Variants in KRCC1 observed in about 807,000 individuals in gnomAD.
The protein encoded by KRCC1 is lysine-rich coiled-coil protein 1.
A neutral mutation model predicts 7.4 loss-of-function variants in KRCC1; 3 were observed. The ratio of observed to expected loss-of-function variants is 0.40; its 90% CI spans 0.18 to 1.04. The LOEUF (loss-of-function observed/expected upper bound fraction) is 1.04, where lower values mean the gene tolerates loss of function less well. Among genes scored for constraint, KRCC1 ranks in the 50% least tolerant of loss-of-function variants. The pLI, the probability that KRCC1 is intolerant of heterozygous loss-of-function variation, is 0.33. For missense variants in KRCC1, 277 were observed against 300.9 expected, an observed-to-expected ratio of 0.92 and a Z score of 0.59; for synonymous variants, 102 against 101.6, an observed-to-expected ratio of 1.00 and a Z score of -0.02.
chr2:88,041,109 T>C (rs1673201376), intron 1 of KRCC1, among the ~76,000 whole-genome samples: 1 of 152,170 alleles, frequency 6.6e-6, no homozygotes, highest in Admixed American at 6.5e-5. Flanking sequence ...GTTAGGTAGC[T>C]GTTGCAGGCA....
chr2:88,037,460 C>A (rs972033519), intron 1 of KRCC1, among the ~76,000 whole-genome samples: 3 of 152,134 alleles, frequency 2.0e-5, no homozygotes, highest in African/African-American at 7.2e-5. Context: ...CACAAACCAT[C>A]TTTATTTTTT....
At chr2:88,051,816 T>G (rs372258659) in intron 1 of KRCC1, among the ~76,000 whole-genome samples, 6 of 152,348 alleles carry the variant, frequency 3.9e-5, no homozygotes, top group Admixed American at 2.0e-4. Context: ...ATGGAAAGAA[T>G]ACCAACACAG....
In KRCC1 at chr2:88,028,511, T is replaced by A; in HGVS notation, c.53A>T (p.Tyr18Phe). The A allele has an allele frequency of 1.2e-6, 2 of 1,613,250 alleles. No individual in the cohort carries two copies. Among genetic ancestry groups the A allele is most frequent in the Non-Finnish European group, 1.7e-6 (2 of 1,179,502 alleles). Reference protein sequence around the residue: ...YDSFQDELEDYIKVQKARGLE... With the variant: ...YDSFQDELEDFIKVQKARGLE... ...GCCTCTGGCTTTCTGTACTTTAATA[T>A]AATCTTCAAGTTCATCTTGAAAAGA... The change falls in exon 4 of 4, where the codon TAT becomes TTT. Residue 18 changes from tyrosine to phenylalanine, a missense_variant. Physicochemically the swap from Tyr to Phe is conservative, Grantham distance 22. Transcript: ENST00000347055.
rs139749676 is a variant in KRCC1 at position 88,049,871 on chromosome 2, A to G, written c.-291+5755T>C. ...TCCAGGCTGCCAACTTCAGATCTAC[A>G]TTAACATAATGTGCTCTGGTGTGCC... On this transcript the variant is annotated intron_variant, in intron 1 of 3. Coordinates refer to ENST00000347055, the MANE Select transcript of KRCC1 (RefSeq NM_016618.3). Among the ~76,000 whole-genome samples the G allele has an allele frequency of 2.0e-5, 3 of 152,364 alleles. No homozygotes were observed. In the East Asian group the frequency reaches 5.8e-4, roughly 29 times the overall value.
chr2:88,029,787 A>G (rs553664446), intron 3 of KRCC1, among the ~76,000 whole-genome samples: 27 of 150,026 alleles, frequency 1.8e-4, no homozygotes, highest in African/African-American at 4.9e-4. Flanking sequence ...AAATACAAAT[A>G]TAGCAGAAAA....
At chr2:88,031,195 C>G (rs1055282110) in intron 3 of KRCC1, among the ~76,000 whole-genome samples, 4 of 152,060 alleles carry the variant, frequency 2.6e-5, no homozygotes, top group African/African-American at 9.7e-5. Flanking sequence ...ATGCATGTTA[C>G]TGCCCCTGAA....
At chr2:88,047,068 A>C (rs1673352594) in intron 1 of KRCC1, among the ~76,000 whole-genome samples, 1 of 152,182 alleles carries the variant, frequency 6.6e-6, no homozygotes, top group African/African-American at 2.4e-5. Flanking sequence ...GAAACACATG[A>C]CTCATAATTC....
intron 1 of KRCC1, among the ~76,000 whole-genome samples, chr2:88,037,878 T>C (rs909698503): frequency 1.3e-4 from 20 of 152,242 alleles, no homozygotes; most frequent in Non-Finnish European, 1.9e-4. Context: ...ATGAATTATC[T>C]ATGCCAAAAT....
intron 1 of KRCC1, among the ~76,000 whole-genome samples, chr2:88,051,456 C>T (rs1673485772): frequency 6.6e-6 from 1 of 152,186 alleles, no homozygotes; most frequent in Non-Finnish European, 1.5e-5. Context: ...AAAATTCTAG[C>T]TAAGTGCAAG....
At chr2:88,041,905 T>A (rs920932666) in intron 1 of KRCC1, among the ~76,000 whole-genome samples, 6 of 152,248 alleles carry the variant, frequency 3.9e-5, no homozygotes, top group Middle Eastern at 3.4e-3. Flanking sequence ...TATTATTGGT[T>A]TCTAATGACC....
At chr2:88,042,748 A>T (rs916250694) in intron 1 of KRCC1, among the ~76,000 whole-genome samples, 2 of 152,038 alleles carry the variant, frequency 1.3e-5, no homozygotes, top group Non-Finnish European at 2.9e-5. Context: ...AAATGATCTT[A>T]ATCTTGGTAT....
intron 1 of KRCC1, among the ~76,000 whole-genome samples, chr2:88,054,984 A>G (rs978329427): frequency 3.6e-4 from 55 of 152,294 alleles, no homozygotes; most frequent in African/African-American, 1.1e-3. Context: ...GAGGATTAAA[A>G]GCACACACAC....
intron 1 of KRCC1, among the ~76,000 whole-genome samples, chr2:88,045,671 C>A (rs902615227): frequency 6.6e-6 from 1 of 151,868 alleles, no homozygotes; most frequent in Non-Finnish European, 1.5e-5. Flanking sequence ...ACACCTATCA[C>A]AAATTCATTG....
intron 1 of KRCC1, among the ~76,000 whole-genome samples, chr2:88,050,466 C>T (rs1023974670): frequency 6.6e-6 from 1 of 152,054 alleles, no homozygotes; most frequent in Non-Finnish European, 1.5e-5. Flanking sequence ...ACTAATAAAA[C>T]ACAAAAATTA....
Position 88,028,269 on chromosome 2 carries a change from C to G in KRCC1, c.295G>C (p.Asp99His). ...LPAHDSRLRL[D>H]SLSYCQFTRD... Reference sequence around the variant, plus strand: ...GTGAACTGACAGTAGCTCAGAGAGTCTAGTCTCAATCTGCTGTCATGGGCT... The same window carrying G: ...GTGAACTGACAGTAGCTCAGAGAGTGTAGTCTCAATCTGCTGTCATGGGCT... The change falls in exon 4 of 4, where the codon GAC (aspartate) becomes CAC (histidine). Residue 99 changes from aspartate to histidine, a missense_variant. By Grantham distance (81) the Asp-to-His change is moderately conservative. Coordinates refer to ENST00000347055, the MANE Select transcript of KRCC1 (RefSeq NM_016618.3). 6.2e-7 allele frequency: 1 copy of G among 1,614,186 alleles called. No homozygotes were observed. The highest frequency in any genetic ancestry group is 1.6e-4 in the Middle Eastern group (1 of 6,062).
chr2:88,039,895 T>C (rs1233927491), intron 1 of KRCC1, among the ~76,000 whole-genome samples: 3 of 151,942 alleles, frequency 2.0e-5, no homozygotes, highest in African/African-American at 4.8e-5. Context: ...TTTGGCGTAG[T>C]GCTTCGTGCC....
chr2:88,038,133 T>C (rs1374504800), intron 1 of KRCC1, among the ~76,000 whole-genome samples: 1 of 152,186 alleles, frequency 6.6e-6, no homozygotes, highest in Non-Finnish European at 1.5e-5. Context: ...TAAAATCCAA[T>C]TTTAGTATAA....
At chr2:88,031,092 CCTT>C (rs1446776377) in intron 3 of KRCC1, among the ~76,000 whole-genome samples, 14 of 151,712 alleles carry the variant, frequency 9.2e-5, no homozygotes, top group Admixed American at 7.9e-4. Flanking sequence ...TATTCTTTCT[CCTT>C]ATTAAAAAAA....
At chr2:88,047,028 A>C (rs899425544) in intron 1 of KRCC1, among the ~76,000 whole-genome samples, 1 of 152,180 alleles carries the variant, frequency 6.6e-6, no homozygotes, top group South Asian at 2.1e-4. Context: ...AAAGTAACAA[A>C]AACTGCACAT....
Sources: allele counts gnomAD v4.1 joint callset (sites outside exome capture counted in the v4.1 genomes callset), GRCh38; gene constraint gnomAD v4.1.1; transcripts MANE v1.5; gene names NCBI Gene and HGNC (gene_info 2026-07-23, HGNC 2026-07-21).